PITPNC1: variants seen among roughly 807,000 people sequenced by gnomAD.
PITPNC1 encodes the protein phosphatidylinositol transfer protein cytoplasmic 1, also known as cytoplasmic phosphatidylinositol transfer protein 1.
PITPNC1 carries 18 observed loss-of-function variants against 44.7 expected under a neutral mutation model. The ratio of observed to expected loss-of-function variants is 0.40; its 90% CI spans 0.28 to 0.60. The LOEUF (loss-of-function observed/expected upper bound fraction) is 0.60. Ranked by LOEUF, PITPNC1 falls within the 20% of genes least tolerant of loss-of-function variation. The pLI, the probability that PITPNC1 is intolerant of heterozygous loss-of-function variation, is 0.39. For synonymous variants in PITPNC1, 141 were observed against 149.6 expected (o/e 0.94, Z 0.42); for missense variants, 290 against 418.4 (o/e 0.69, Z 2.68).
intron 4 of PITPNC1, among the ~76,000 whole-genome samples, chr17:67,573,029 C>T (rs2041084269): frequency 1.3e-5 from 2 of 152,198 alleles, no homozygotes; most frequent in Admixed American, 1.3e-4. Context: ...TGGTTTCAGG[C>T]TTCTGGCCTC....
At chr17:67,528,681 G>A (rs1445277032) in intron 1 of PITPNC1, among the ~76,000 whole-genome samples, 1 of 152,168 alleles carries the variant, frequency 6.6e-6, no homozygotes, top group South Asian at 2.1e-4. Flanking sequence ...CCTTCACCAC[G>A]TTCTGCTGCA....
intron 1 of PITPNC1, among the ~76,000 whole-genome samples, chr17:67,470,812 G>A (rs2039514523): frequency 6.7e-6 from 1 of 149,670 alleles, no homozygotes; most frequent in Admixed American, 6.7e-5. Context: ...CCGTGTCTGT[G>A]TAGAAAGAAG....
At chr17:67,674,080 G>A (rs1461941585) in intron 7 of PITPNC1, among the ~76,000 whole-genome samples, 1 of 151,836 alleles carries the variant, frequency 6.6e-6, no homozygotes, top group Admixed American at 6.6e-5. Flanking sequence ...TACATGAGAT[G>A]TTTTCATAAG....
rs2042986141 is a variant in PITPNC1, at chr17:67,694,927, A to C, written c.*2039A>C. 1 of 152,166 alleles carries C rather than the reference A, an allele frequency of 6.6e-6. No homozygotes were observed. The highest frequency in any genetic ancestry group is 2.4e-5 in the African/African-American group (1 of 41,442). 9.4% of individuals were successfully genotyped at this position (152,166 alleles called of 1,614,324 possible). ...ATTTGCAAGCTAAAATCAAGGTGGG[A>C]TGGGGTCATTATTTTCACATAGAAT... is the stretch of plus-strand genomic sequence containing the variant. On this transcript the variant is annotated 3_prime_UTR_variant, in exon 9 of 9. Transcript: ENST00000581322.
intron 4 of PITPNC1, 108 bp from the exon 5 acceptor site, chr17:67,578,078 C>A: frequency 1.3e-6 from 1 of 765,150 alleles, no homozygotes; most frequent in South Asian, 1.5e-5. Flanking sequence ...ATTTCTGTTC[C>A]GGGACGGTGC....
At chr17:67,659,260 C>G (rs915000498) in intron 6 of PITPNC1, among the ~76,000 whole-genome samples, 1 of 152,164 alleles carries the variant, frequency 6.6e-6, no homozygotes, top group Admixed American at 6.6e-5. Flanking sequence ...TGCATTGTTT[C>G]TCACAATTCT....
Position 67,453,103 on chromosome 17 carries a change from C to A in PITPNC1, c.48+74901C>A, listed in dbSNP as rs547876342. Among the ~76,000 whole-genome samples the A allele has an allele frequency of 3.9e-5, 6 of 152,214 alleles. No individual in the cohort carries two copies. In the South Asian group the frequency reaches 1.2e-3, roughly 32 times the overall value. ...GAGCTACTCTGTCTAGCTGATTGAT[C>A]CAGTATTGTGTCCGGGGGCAGGGTA... is the stretch of plus-strand genomic sequence containing the variant. On this transcript the variant is annotated intron_variant, in intron 1 of 8. Coordinates refer to ENST00000581322, the MANE Select transcript of PITPNC1 (RefSeq NM_012417.4).
intron 1 of PITPNC1, among the ~76,000 whole-genome samples, chr17:67,498,878 G>GT (rs71139150): frequency 7.7e-4 from 100 of 130,446 alleles, no homozygotes; most frequent in Non-Finnish European, 7.3e-4. Flanking sequence ...GTTTGTTTTT[G>GT]TTTTTTTTTT....
chr17:67,689,854 G>A (rs917776545), intron 8 of PITPNC1, among the ~76,000 whole-genome samples: 17 of 152,106 alleles, frequency 1.1e-4, no homozygotes, highest in Non-Finnish European at 2.1e-4. Context: ...AACATACCCT[G>A]ATACACTAAA....
intron 8 of PITPNC1, 53 bp from the exon 9 acceptor site, chr17:67,692,519 T>C (rs1188799386): frequency 2.3e-6 from 3 of 1,287,988 alleles, no homozygotes; most frequent in Non-Finnish European, 3.3e-6. Context: ...ATGAATCTAT[T>C]TGCCTCTCTT....
intron 1 of PITPNC1, 25 bp downstream of exon 1, chr17:67,378,227 T>G (rs2037900880): frequency 6.8e-7 from 1 of 1,468,780 alleles, no homozygotes; most frequent in African/African-American, 1.5e-5. Context: ...CGGCCCGGCC[T>G]CGCCCGCTCC....
At chr17:67,690,063 C>G (rs962248931) in intron 8 of PITPNC1, among the ~76,000 whole-genome samples, 2 of 152,126 alleles carry the variant, frequency 1.3e-5, no homozygotes, top group Non-Finnish European at 2.9e-5. Context: ...AAAACTTTCC[C>G]TTTCAGAAAA....
chr17:67,431,389 T>G (rs2038855460), intron 1 of PITPNC1, among the ~76,000 whole-genome samples: 1 of 152,190 alleles, frequency 6.6e-6, no homozygotes, highest in South Asian at 2.1e-4. Context: ...GCTTTCCCCC[T>G]CTTTCTGCGT....
intron 4 of PITPNC1, among the ~76,000 whole-genome samples, chr17:67,566,889 C>T (rs982654321): frequency 1.3e-5 from 2 of 152,354 alleles, no homozygotes; most frequent in African/African-American, 4.8e-5. Context: ...CAGAGCTAGA[C>T]AGCCTGGCTT....
At chr17:67,623,109 CAA>C (rs1198070826) in intron 5 of PITPNC1, among the ~76,000 whole-genome samples, 92 of 85,294 alleles carry the variant, frequency 1.1e-3, no homozygotes, top group African/African-American at 3.0e-3. Flanking sequence ...TCCCAAAAGC[CAA>C]AAAAAAAAAA....
chr17:67,433,374 G>A (rs1015954643), intron 1 of PITPNC1, among the ~76,000 whole-genome samples: 1 of 152,336 alleles, frequency 6.6e-6, no homozygotes, highest in African/African-American at 2.4e-5. Context: ...GAGTCTGCTG[G>A]CTGCGCACAA....
chr17:67,586,582 C>CA (rs2041320942), intron 5 of PITPNC1, among the ~76,000 whole-genome samples: 1 of 151,590 alleles, frequency 6.6e-6, no homozygotes, highest in African/African-American at 2.4e-5. Flanking sequence ...GTGACAAGAG[C>CA]AAAACTCCAT....
chr17:67,405,666 C>T (rs1439944718), intron 1 of PITPNC1, among the ~76,000 whole-genome samples: 2 of 149,686 alleles, frequency 1.3e-5, no homozygotes, highest in South Asian at 2.1e-4. Flanking sequence ...AGTGTAGTGT[C>T]GTGATCTCAG....
intron 2 of PITPNC1, among the ~76,000 whole-genome samples, chr17:67,533,685 A>AC (rs1270258582): frequency 2.0e-5 from 3 of 152,176 alleles, no homozygotes; most frequent in Non-Finnish European, 4.4e-5. Context: ...AAAGGGAATG[A>AC]CAAAACAAAC....
Sources: allele counts gnomAD v4.1 joint callset (sites outside exome capture counted in the v4.1 genomes callset), GRCh38; gene constraint gnomAD v4.1.1; transcripts MANE v1.5; gene names NCBI Gene and HGNC (gene_info 2026-07-23, HGNC 2026-07-21).